LAMC2: variants seen among roughly 807,000 people sequenced by gnomAD.
LAMC2 encodes laminin subunit gamma-2.
Under a neutral mutation model 140.2 loss-of-function variants are expected in LAMC2, and 97 were observed. That is an observed-to-expected ratio of 0.69 (90% CI 0.59 to 0.82). The LOEUF is 0.82. Ranked by LOEUF, LAMC2 falls within the 40% of genes least tolerant of loss-of-function variation. LAMC2 has a pLI of 0.00. For synonymous variants in LAMC2, 513 were observed against 540.2 expected (o/e 0.95, Z 0.70); for missense variants, 1,402 against 1,476.1 (o/e 0.95, Z 0.82).
At chr1:183,235,433 A>G in intron 15 of LAMC2, 142 bp from the exon 16 acceptor site, 1 of 878,276 alleles carries the variant, frequency 1.1e-6, no homozygotes, top group South Asian at 1.5e-5. Flanking sequence ...CAGCACCTCT[A>G]ATTCCATGTA....
At chr1:183,206,670 A>G (rs1195435158) in intron 1 of LAMC2, among the ~76,000 whole-genome samples, 1 of 148,648 alleles carries the variant, frequency 6.7e-6, no homozygotes, top group Admixed American at 6.8e-5. Flanking sequence ...AAAAAAAAAG[A>G]TGTACATTGT....
In LAMC2 at chr1:183,228,271, T is replaced by A; in HGVS notation, c.1469-103T>A. On this transcript the variant is annotated intron_variant, in intron 10 of 22. Coordinates refer to ENST00000264144, the MANE Select transcript of LAMC2 (RefSeq NM_005562.3). This position sits in a 1 kb window ranked among gnomAD's most constrained non-coding sequence, Gnocchi z 4.3. Reference sequence around the variant, plus strand: ...GTTCTGGGGTCCCTAGGGAAGCACATTTCTCTGGCTCTTCTAGAGGGTGAC... The same window carrying A: ...GTTCTGGGGTCCCTAGGGAAGCACAATTCTCTGGCTCTTCTAGAGGGTGAC... 6.6e-7 allele frequency: 1 copy of A among 1,503,764 alleles called. No individual in the cohort carries two copies. Among genetic ancestry groups the A allele is most frequent in the Non-Finnish European group, 9.2e-7 (1 of 1,085,724 alleles). 93.2% of individuals were successfully genotyped at this position (1,503,764 alleles called of 1,614,324 possible).
In LAMC2 at chr1:183,208,063, T is replaced by C. The variant is rs1193803197; in HGVS notation, c.262T>C (p.Ser88Pro). ...RDRCLPCNCN[S>P]KGSLSARCDN... ...CCGCTGTTTGCCCTGCAATTGTAAC[T>C]CCAAAGGTAGCTGAAAAGGACGGAA... The change falls in exon 2 of 23, where the codon TCC (serine) becomes CCC (proline). Residue 88 changes from serine to proline, a missense_variant. Physicochemically the swap from Ser to Pro is moderately conservative, Grantham distance 74. This residue lies in a region of LAMC2 where 723 missense variants were observed against 783.3 expected (regional missense o/e 0.92). Coordinates refer to ENST00000264144, the MANE Select transcript of LAMC2 (RefSeq NM_005562.3). 3.0e-5 allele frequency: 49 copies of C among 1,613,268 alleles called. No homozygotes were observed. The highest frequency in any genetic ancestry group is 4.1e-5 in the Non-Finnish European group (48 of 1,179,768).
intron 7 of LAMC2, among the ~76,000 whole-genome samples, chr1:183,224,979 G>A (rs1413538047): frequency 1.3e-5 from 2 of 152,086 alleles, no homozygotes; most frequent in African/African-American, 2.4e-5. Flanking sequence ...ATAGCTTCTA[G>A]CCCAAACCAA....
chr1:183,237,613 T>G, intron 18 of LAMC2, 109 bp downstream of exon 18: 2 of 1,134,008 alleles, frequency 1.8e-6, no homozygotes, highest in African/African-American at 1.6e-5. Flanking sequence ...GCACGGTGAC[T>G]TATCCCTGTA....
At position 183,237,373 on chromosome 1, in the gene LAMC2, A is replaced by C. The variant is rs753894070; in HGVS notation, c.2623A>C (p.Lys875Gln). 2 of 1,614,200 alleles carry C rather than the reference A, an allele frequency of 1.2e-6. No individual in the cohort carries two copies. Among genetic ancestry groups the C allele is most frequent in the East Asian group, 2.2e-5 (1 of 44,886 alleles). The change falls in exon 18 of 23, where the codon AAA (lysine) becomes CAA (glutamine). Residue 875 changes from lysine (K) to glutamine (Q), a missense_variant. This residue lies in a region of LAMC2 where 670 missense variants were observed against 667.2 expected (regional missense o/e 1.00). Coordinates refer to ENST00000264144, the MANE Select transcript of LAMC2 (RefSeq NM_005562.3). The part of the protein sequence containing the change: ...SFQVEEAKRI[K>Q]QKADSLSSLV... ...ATAGGTGGAAGAAGCAAAGAGGATC[A>C]AACAAAAAGCGGATTCACTCTCAAG...
chr1:183,205,983 G>A (rs559448077), intron 1 of LAMC2, among the ~76,000 whole-genome samples: 1 of 152,208 alleles, frequency 6.6e-6, no homozygotes, highest in African/African-American at 2.4e-5. Flanking sequence ...CCCTCTATTA[G>A]GGATTTATAA....
intron 1 of LAMC2, among the ~76,000 whole-genome samples, 168 bp downstream of exon 1, chr1:183,186,599 A>G (rs1658160770): frequency 6.6e-6 from 1 of 152,160 alleles, no homozygotes; most frequent in Non-Finnish European, 1.5e-5. Flanking sequence ...CGGATTTTAA[A>G]TGAGACTAAT....
intron 16 of LAMC2, 72 bp from the exon 17 acceptor site, chr1:183,236,388 C>CAAAA: frequency 1.8e-6 from 2 of 1,093,122 alleles, no homozygotes; most frequent in Non-Finnish European, 2.5e-6. Flanking sequence ...AACCCTGTCT[C>CAAAA]AAAAAAAAAA....
At chr1:183,255,758 G>C in the LAMC2 span, among the ~76,000 whole-genome samples, 1 of 151,332 alleles carries the variant, frequency 6.6e-6, no homozygotes, top group African/African-American at 2.4e-5. Flanking sequence ...CAGCCTCCTG[G>C]GTTCAAGTGA....
intron 13 of LAMC2, 127 bp downstream of exon 13, chr1:183,232,470 G>T (rs1358378562): frequency 8.4e-7 from 1 of 1,195,556 alleles, no homozygotes; most frequent in Admixed American, 2.0e-5. Flanking sequence ...CCTTGCAGAA[G>T]TGGAAGGACT....
chr1:183,193,739 G>A (rs1455738688), intron 1 of LAMC2, among the ~76,000 whole-genome samples: 1 of 152,188 alleles, frequency 6.6e-6, no homozygotes, highest in Non-Finnish European at 1.5e-5. Flanking sequence ...GGGAGCAGGG[G>A]AGAGGCCACA....
chr1:183,232,626 T>C, intron 13 of LAMC2, 26 bp from the exon 14 acceptor site: 1 of 1,599,624 alleles, frequency 6.3e-7, no homozygotes, highest in Non-Finnish European at 8.6e-7. Context: ...AAAGTGCTCA[T>C]GCTCCCTTTC....
At chr1:183,223,899 T>A (rs1325196387) in intron 7 of LAMC2, among the ~76,000 whole-genome samples, 1 of 152,146 alleles carries the variant, frequency 6.6e-6, no homozygotes, top group Non-Finnish European at 1.5e-5. Context: ...AGAATAGGGA[T>A]TCTGCATGGT....
Position 183,240,434 on chromosome 1 carries a change from A to G in LAMC2, c.3328+43A>G, listed in dbSNP as rs141930223. On this transcript the variant is annotated intron_variant, in intron 22 of 22. Coordinates refer to ENST00000264144, the MANE Select transcript of LAMC2 (RefSeq NM_005562.3). ...CCACAACCTTCCAGCTCCATGCTCCAGGGCTTTGCTCCAGAACACTCACTA... is the reference window on the plus strand; with the variant it reads ...CCACAACCTTCCAGCTCCATGCTCCGGGGCTTTGCTCCAGAACACTCACTA... 850 of 1,611,804 alleles carry G rather than the reference A, an allele frequency of 5.3e-4. 9 individuals are homozygous for G. The African/African-American group carries it at 0.01, about 19-fold the overall frequency.
intron 6 of LAMC2, 51 bp from the exon 7 acceptor site, chr1:183,223,084 G>C (rs1254270905): frequency 1.3e-6 from 2 of 1,563,162 alleles, no homozygotes; most frequent in Admixed American, 1.7e-5. Context: ...GCATGTGTTT[G>C]CCTCTCCAGT....
intron 18 of LAMC2, 52 bp from the exon 19 acceptor site, chr1:183,238,255 T>C: frequency 7.6e-7 from 1 of 1,309,970 alleles, no homozygotes; most frequent in South Asian, 1.2e-5. Flanking sequence ...CAGAGTGATT[T>C]TGCCAGCAGG....
At chr1:183,232,388 C>T (rs1452582775) in intron 13 of LAMC2, 45 bp downstream of exon 13, 1 of 1,604,258 alleles carries the variant, frequency 6.2e-7, no homozygotes, top group South Asian at 1.1e-5. Flanking sequence ...AATTCATAGT[C>T]CTAGAAGGAA....
At chr1:183,199,191 G>A (rs1342981621) in intron 1 of LAMC2, among the ~76,000 whole-genome samples, 5 of 130,380 alleles carry the variant, frequency 3.8e-5, no homozygotes, top group East Asian at 2.7e-4. Flanking sequence ...TGCAACCTCC[G>A]CCTCCCAGGT....
Sources: gnomAD v4.1 joint callset for allele counts (sites outside exome capture counted in the v4.1 genomes callset) on GRCh38, gnomAD v4.1.1 for gene constraint, gnomAD v4.1.1 regional missense constraint, Gnocchi (gnomAD v3.1) non-coding constraint, MANE v1.5 for transcripts, NCBI Gene and HGNC (gene_info 2026-07-23, HGNC 2026-07-21) for gene names.